The following ZDHHC14 variants were observed in gnomAD, a reference collection of about 807,000 sequenced individuals.
ZDHHC14 encodes the protein palmitoyltransferase ZDHHC14.
In ZDHHC14, 16 loss-of-function variants were observed where a neutral mutation model predicts 47.7. That is an observed-to-expected ratio of 0.34 (90% CI 0.23 to 0.51). ZDHHC14 has a LOEUF of 0.51. Ranked by LOEUF, ZDHHC14 falls within the 20% of genes least tolerant of loss-of-function variation. The pLI, the probability that ZDHHC14 is intolerant of heterozygous loss-of-function variation, is 0.97. For missense variants in ZDHHC14, 515 were observed against 662.5 expected (o/e 0.78, Z 2.44); for synonymous variants, 293 against 278.9 (o/e 1.05, Z -0.50).
chr6:157,570,845 A>G (rs1461777280), intron 2 of ZDHHC14, among the ~76,000 whole-genome samples: 2 of 152,024 alleles, frequency 1.3e-5, no homozygotes, highest in Admixed American at 6.6e-5. Context: ...ACACACATAC[A>G]TCTATATTGC....
intron 2 of ZDHHC14, among the ~76,000 whole-genome samples, chr6:157,552,121 A>G (rs1427975869): frequency 6.6e-6 from 1 of 152,178 alleles, no homozygotes; most frequent in Non-Finnish European, 1.5e-5. Context: ...GTGCACACCC[A>G]TGTAAATTCA....
chr6:157,554,101 A>G (rs991711273), intron 2 of ZDHHC14, among the ~76,000 whole-genome samples: 3 of 152,250 alleles, frequency 2.0e-5, no homozygotes, highest in Non-Finnish European at 4.4e-5. Context: ...ACACAAGTCC[A>G]AGTGGGTGAA....
chr6:157,629,094 C>G (rs1224034089), intron 4 of ZDHHC14, among the ~76,000 whole-genome samples: 3 of 152,212 alleles, frequency 2.0e-5, no homozygotes, highest in Non-Finnish European at 4.4e-5. Flanking sequence ...AAGGAAGCAA[C>G]TTTGATTAAA....
At chr6:157,571,339 A>G (rs574068388) in intron 2 of ZDHHC14, among the ~76,000 whole-genome samples, 1 of 152,358 alleles carries the variant, frequency 6.6e-6, no homozygotes, top group South Asian at 2.1e-4. Flanking sequence ...CCTGGAGCCC[A>G]GGCAAGGGAC....
intron 2 of ZDHHC14, among the ~76,000 whole-genome samples, chr6:157,551,858 G>A (rs919493350): frequency 6.6e-6 from 1 of 152,204 alleles, no homozygotes; most frequent in African/African-American, 2.4e-5. Flanking sequence ...ATAGCCATAT[G>A]AACTTAGTCT....
intron 2 of ZDHHC14, among the ~76,000 whole-genome samples, chr6:157,559,322 T>A (rs1164891420): frequency 2.6e-5 from 4 of 152,238 alleles, no homozygotes; most frequent in Admixed American, 2.6e-4. Flanking sequence ...GCAGCTGATG[T>A]GGCAACAGTC....
intron 1 of ZDHHC14, among the ~76,000 whole-genome samples, chr6:157,420,257 A>G (rs1583629565): frequency 9.4e-6 from 1 of 106,684 alleles, no homozygotes; most frequent in Non-Finnish European, 1.9e-5. Flanking sequence ...CACTGATGAG[A>G]GGAGAGAAGG....
chr6:157,530,584 G>A (rs1303261556), intron 1 of ZDHHC14, among the ~76,000 whole-genome samples: 7 of 152,124 alleles, frequency 4.6e-5, no homozygotes, highest in Non-Finnish European at 4.4e-5. Flanking sequence ...CACAGGGCTC[G>A]TGGGCTTTAA....
At chr6:157,478,019 T>C (rs1779533367) in intron 1 of ZDHHC14, among the ~76,000 whole-genome samples, 1 of 152,212 alleles carries the variant, frequency 6.6e-6, no homozygotes, top group South Asian at 2.1e-4. Context: ...TTAAATACCC[T>C]TTGTCATTCA....
chr6:157,389,982 A>G (rs1777389457), intron 1 of ZDHHC14, among the ~76,000 whole-genome samples: 1 of 152,174 alleles, frequency 6.6e-6, no homozygotes, highest in African/African-American at 2.4e-5. Context: ...ATGGACTTTT[A>G]TATTTATCTT....
At chr6:157,440,492 C>A (rs564271270) in intron 1 of ZDHHC14, among the ~76,000 whole-genome samples, 1 of 152,276 alleles carries the variant, frequency 6.6e-6, no homozygotes, top group African/African-American at 2.4e-5. Flanking sequence ...GTAGAAAACA[C>A]TTTGGAGGTT....
chr6:157,510,178 A>G (rs548398954), intron 1 of ZDHHC14, among the ~76,000 whole-genome samples: 1 of 152,298 alleles, frequency 6.6e-6, no homozygotes, highest in Non-Finnish European at 1.5e-5. Context: ...CGGAGGCTGG[A>G]AGTTGCAGTG....
chr6:157,455,635 C>G (rs1461382130), intron 1 of ZDHHC14, among the ~76,000 whole-genome samples: 2 of 152,146 alleles, frequency 1.3e-5, no homozygotes, highest in Non-Finnish European at 2.9e-5. Context: ...CTGGTTAGAG[C>G]CTTGCAGCTT....
intron 1 of ZDHHC14, among the ~76,000 whole-genome samples, chr6:157,530,455 T>C (rs1781322100): frequency 6.6e-6 from 1 of 152,208 alleles, no homozygotes. Context: ...AAAAAATGAA[T>C]CGGCAGCCCC....
At chr6:157,503,662 A>G (rs1186946652) in intron 1 of ZDHHC14, among the ~76,000 whole-genome samples, 1 of 152,212 alleles carries the variant, frequency 6.6e-6, no homozygotes, top group Non-Finnish European at 1.5e-5. Context: ...GTATGACGAA[A>G]TGAATTGCCT....
rs537873834 is a variant in ZDHHC14, at chr6:157,398,960, A to T, written c.245+16694A>T. On this transcript the variant is annotated intron_variant, in intron 1 of 8. Coordinates refer to ENST00000359775, the MANE Select transcript of ZDHHC14 (RefSeq NM_024630.3). ...TTAATTCAGTCTCCAAAGAAAAATG[A>T]TTTTACTTGAAATGTCTGGTCGTAT... Among the ~76,000 whole-genome samples the T allele has an allele frequency of 2.6e-5, 4 of 152,290 alleles. No homozygotes were observed. In the East Asian group the frequency reaches 7.7e-4, roughly 29 times the overall value.
chr6:157,667,184 T>G (rs1364732447), intron 8 of ZDHHC14, among the ~76,000 whole-genome samples: 1 of 152,252 alleles, frequency 6.6e-6, no homozygotes, highest in African/African-American at 2.4e-5. Context: ...AGTTTTCTGT[T>G]CAGAGTAGAT....
intron 1 of ZDHHC14, among the ~76,000 whole-genome samples, chr6:157,538,632 G>A (rs1328636876): frequency 6.6e-6 from 1 of 152,198 alleles, no homozygotes; most frequent in Non-Finnish European, 1.5e-5. Flanking sequence ...CTAGTGAGGT[G>A]CATGGAGCAT....
chr6:157,491,479 G>A (rs1211129910), intron 1 of ZDHHC14, among the ~76,000 whole-genome samples: 1 of 152,234 alleles, frequency 6.6e-6, no homozygotes, highest in African/African-American at 2.4e-5. Context: ...TGCTGGACAT[G>A]AAAAGAAAGG....
Sources: allele counts gnomAD v4.1 joint callset (sites outside exome capture counted in the v4.1 genomes callset), GRCh38; gene constraint gnomAD v4.1.1; transcripts MANE v1.5; gene names NCBI Gene and HGNC (gene_info 2026-07-23, HGNC 2026-07-21).